Variants in CAPG observed in about 807,000 individuals in gnomAD.
CAPG encodes the protein macrophage-capping protein.
CAPG carries 32 observed loss-of-function variants against 44.6 expected under a neutral mutation model. The ratio of observed to expected loss-of-function variants is 0.72; its 90% CI spans 0.54 to 0.96. The LOEUF is 0.96. Among genes scored for constraint, CAPG ranks in the 50% least tolerant of loss-of-function variants. CAPG has a pLI of 0.00. For missense variants in CAPG, 412 were observed against 438.3 expected (o/e 0.94, Z 0.54); for synonymous variants, 175 against 179.6 (o/e 0.97, Z 0.20).
intron 4 of CAPG, 39 bp downstream of exon 4, chr2:85,401,490 G>A (rs368493475): frequency 6.2e-6 from 10 of 1,608,882 alleles, no homozygotes; most frequent in Non-Finnish European, 7.7e-6. Context: ...GGCTCTGAGG[G>A]AAGCTGCAGG....
intron 1 of CAPG, among the ~76,000 whole-genome samples, chr2:85,407,012 C>T (rs111365030): frequency 4.2e-4 from 63 of 151,282 alleles, no homozygotes; most frequent in African/African-American, 1.5e-3. Context: ...CTCATTGCAA[C>T]CTCTGCCTCC....
chr2:85,415,696 C>T (rs988823520), intron 1 of CAPG, among the ~76,000 whole-genome samples: 2 of 152,164 alleles, frequency 1.3e-5, no homozygotes, highest in African/African-American at 4.8e-5. Context: ...GACAGCAAAA[C>T]CCCCACATTC....
downstream of CAPG, among the ~76,000 whole-genome samples, chr2:85,394,114 T>C (rs1377545883): frequency 6.6e-6 from 1 of 152,220 alleles, no homozygotes; most frequent in Non-Finnish European, 1.5e-5. Flanking sequence ...ATGGGACCTC[T>C]TCTTGGCTAC....
At position 85,401,876 on chromosome 2, in the gene CAPG, C is replaced by A; in HGVS notation, c.105G>T (p.Ala35=). The A allele has an allele frequency of 1.2e-6, 2 of 1,614,050 alleles. No individual in the cohort carries two copies. Among genetic ancestry groups the A allele is most frequent in the Non-Finnish European group, 1.7e-6 (2 of 1,180,006 alleles). Residue 35 remains alanine, a synonymous_variant, in exon 3 of 10, where the codon GCG becomes GCT. Coordinates refer to ENST00000263867, the MANE Select transcript of CAPG (RefSeq NM_001747.4). ...RVEKLKPVPV[A]QENQGVFFSG... ...AGAAGAAGACGCCCTGGTTCTCTTG[C>A]GCCACAGGCACCGGCTTCAGCTTCT... is the stretch of plus-strand genomic sequence containing the variant.
upstream of CAPG, chr2:85,418,648 A>ACGCGCGCGCG (rs148925973): frequency 7.5e-6 from 1 of 132,664 alleles, no homozygotes; most frequent in Non-Finnish European, 1.7e-5. Flanking sequence ...GCACACACAC[A>ACGCGCGCGCG]CACGCGCGCG....
At chr2:85,402,599 T>A (rs1686958588) in intron 1 of CAPG, among the ~76,000 whole-genome samples, 1 of 151,990 alleles carries the variant, frequency 6.6e-6, no homozygotes, top group Non-Finnish European at 1.5e-5. Flanking sequence ...CCCAAGCAGC[T>A]GGGATTACAG....
At chr2:85,402,307 A>C (rs1264486434) in intron 1 of CAPG, 149 bp from the exon 2 acceptor site, 2 of 656,976 alleles carry the variant, frequency 3.0e-6, no homozygotes, top group Non-Finnish European at 5.4e-6. Context: ...ATGCAGACAA[A>C]GAAAATGAGT....
downstream of CAPG, among the ~76,000 whole-genome samples, chr2:85,392,284 A>G (rs113925694): frequency 0.088 from 13,360 of 151,984 alleles, 839 homozygotes; most frequent in African/African-American, 0.17. Flanking sequence ...CAGCTACTCA[A>G]GAGGCTGAGG....
chr2:85,395,502 C>T lies in CAPG; in HGVS notation c.981+36G>A, dbSNP rs895467050. On this transcript the variant is annotated intron_variant, in intron 9 of 9. Transcript: ENST00000263867. The surrounding 1 kb of genome is among the most constrained non-coding windows in gnomAD (Gnocchi z 4.3). Reference sequence around the variant, plus strand: ...GGGGTCAGGGGCCACAGGAAGAGCCCTAGGAAGAGGGCTGTGGTTGTGCGC... The same window carrying T: ...GGGGTCAGGGGCCACAGGAAGAGCCTTAGGAAGAGGGCTGTGGTTGTGCGC... 6.4e-7 allele frequency: 1 copy of T among 1,571,682 alleles called. No individual in the cohort carries two copies. Among genetic ancestry groups the T allele is most frequent in the Non-Finnish European group, 8.7e-7 (1 of 1,144,764 alleles).
At position 85,395,055 on chromosome 2, in the gene CAPG, T is replaced by C; in HGVS notation, c.982-97A>G. ...GGGGCCAGAGCCAGGGAGGAGGGTG[T>C]GGGCGCCTGGCCTGAATCCATGTGC... On this transcript the variant is annotated intron_variant, in intron 9 of 9. Transcript: ENST00000263867. This position sits in a 1 kb window ranked among gnomAD's most constrained non-coding sequence, Gnocchi z 4.3. The C allele has an allele frequency of 3.7e-6, 3 of 821,606 alleles. No homozygotes were observed. In the Admixed American group the frequency reaches 6.2e-5, roughly 17 times the overall value. The allele number at this position is 821,606 out of a possible 1,614,324, so 50.9% of individuals were successfully genotyped here.
chr2:85,410,144 G>T (rs1272148093), intron 1 of CAPG, among the ~76,000 whole-genome samples, 173 bp downstream of exon 1: 2 of 152,240 alleles, frequency 1.3e-5, no homozygotes. Context: ...AGGACAGCAG[G>T]CTGGGGGAAC....
chr2:85,399,295 A>T lies in CAPG; in HGVS notation c.517-10T>A. 1 of 1,613,746 alleles carries T rather than the reference A, an allele frequency of 6.2e-7. No individual in the cohort carries two copies. On this transcript the variant is annotated splice_polypyrimidine_tract_variant and intron_variant, in intron 5 of 9. Coordinates refer to ENST00000263867, the MANE Select transcript of CAPG (RefSeq NM_001747.4). ...ACCAGGCGAAGATGTTCTGCAAGGA[A>T]GCAGGAAAGTCCGGGTCAGAGCCAG...
chr2:85,400,360 T>A (rs1686821491), intron 5 of CAPG, among the ~76,000 whole-genome samples: 1 of 152,146 alleles, frequency 6.6e-6, no homozygotes, highest in South Asian at 2.1e-4. Flanking sequence ...TGTTCACCTG[T>A]CCCCTTCCTT....
intron 5 of CAPG, among the ~76,000 whole-genome samples, 165 bp from the exon 6 acceptor site, chr2:85,399,450 G>A (rs183988116): frequency 3.9e-5 from 6 of 152,282 alleles, no homozygotes; most frequent in African/African-American, 1.2e-4. Flanking sequence ...AAATGCCCAC[G>A]ACCACCCACT....
Position 85,417,904 on chromosome 2 carries a change from C to T in CAPG, c.-14+363G>A, listed in dbSNP as rs928918898. On this transcript the variant is annotated intron_variant, in intron 1 of 5. Coordinates refer to the CAPG transcript ENST00000409275. ...CCTGGACTTCACAGTTTACAAAACA[C>T]CCCTCCTCCTCACCCCCTCCCAAAC... Among the ~76,000 whole-genome samples the T allele has an allele frequency of 3.3e-5, 5 of 152,132 alleles. No individual in the cohort carries two copies. The East Asian group carries it at 9.6e-4, about 29-fold the overall frequency.
chr2:85,416,425 T>C (rs1302403319), intron 1 of CAPG, among the ~76,000 whole-genome samples: 1 of 152,214 alleles, frequency 6.6e-6, no homozygotes, highest in Non-Finnish European at 1.5e-5. Context: ...CAGCTCAGGC[T>C]GAGCAGTTGC....
Position 85,395,445 on chromosome 2 carries a change from C to T in CAPG, c.981+93G>A. ...AGGCCTGGTTGTTCCTGACAGTGCC[C>T]AAGGCTCTCCTGCCCTTCCTGGCCA... On this transcript the variant is annotated intron_variant, in intron 9 of 9. Coordinates refer to ENST00000263867, the MANE Select transcript of CAPG (RefSeq NM_001747.4). The surrounding 1 kb of genome is among the most constrained non-coding windows in gnomAD (Gnocchi z 4.3). The T allele has an allele frequency of 1.0e-6, 1 of 986,312 alleles. No homozygotes were observed. The highest frequency in any genetic ancestry group is 1.6e-6 in the Non-Finnish European group (1 of 635,466). The allele number at this position is 986,312 out of a possible 1,614,324, so 61.1% of individuals were successfully genotyped here. A position where few individuals can be genotyped will look rare whatever the true frequency, so the allele number is the denominator to read the frequency against.
intron 5 of CAPG, among the ~76,000 whole-genome samples, chr2:85,400,692 G>A (rs901587555): frequency 3.9e-5 from 6 of 151,986 alleles, no homozygotes; most frequent in Admixed American, 2.6e-4. Context: ...AACTGGCTTC[G>A]GCTCAGGCTA....
At chr2:85,412,043 C>G (rs1038872890), upstream of CAPG, among the ~76,000 whole-genome samples, 39 of 146,750 alleles carry the variant, frequency 2.7e-4, 1 homozygote, top group Non-Finnish European at 1.5e-5. Context: ...GCCTGGGAGA[C>G]AAAGCAAGAC....
Sources: allele counts gnomAD v4.1 joint callset (sites outside exome capture counted in the v4.1 genomes callset), GRCh38; gene constraint gnomAD v4.1.1; non-coding constraint Gnocchi (gnomAD v3.1); transcripts MANE v1.5; gene names NCBI Gene and HGNC (gene_info 2026-07-23, HGNC 2026-07-21).